RBM33: variants seen among roughly 807,000 people sequenced by gnomAD.
RBM33 encodes RNA-binding protein 33.
Under a neutral mutation model 132.6 loss-of-function variants are expected in RBM33, and 28 were observed. The observed-to-expected ratio is 0.21, with a 90% CI of 0.16 to 0.29. The LOEUF is 0.29. RBM33 is among the 10% of genes least tolerant of loss of function. The pLI is 1.00. For missense variants in RBM33, 1,291 were observed against 1,518.5 expected (o/e 0.85, Z 2.49); for synonymous variants, 634 against 593.0 (o/e 1.07, Z -1.01).
intron 2 of RBM33, among the ~76,000 whole-genome samples, chr7:155,667,440 C>T (rs1335285540): frequency 2.0e-5 from 3 of 152,048 alleles, no homozygotes; most frequent in African/African-American, 2.4e-5. Flanking sequence ...AGTGGTTATT[C>T]AGATTGTTTT....
intron 7 of RBM33, among the ~76,000 whole-genome samples, chr7:155,709,992 C>G (rs1004420563): frequency 1.1e-4 from 16 of 152,204 alleles, no homozygotes; most frequent in Non-Finnish European, 2.1e-4. Context: ...TCACCATTCC[C>G]TATTAGATGG....
At chr7:155,707,621 A>T (rs920562341) in intron 7 of RBM33, among the ~76,000 whole-genome samples, 1 of 152,172 alleles carries the variant, frequency 6.6e-6, no homozygotes, top group Non-Finnish European at 1.5e-5. Context: ...GAGATGGCAC[A>T]TCTCAGAAAC....
chr7:155,739,725 A>C lies in RBM33; in HGVS notation c.1748A>C (p.His583Pro), dbSNP rs1355407704. 1 of 1,546,592 alleles carries C rather than the reference A, an allele frequency of 6.5e-7. No homozygotes were observed. The change falls in exon 12 of 18, where the codon CAT becomes CCT. Residue 583 changes from histidine to proline, a missense_variant. By Grantham distance (77) the His-to-Pro change is moderately conservative. This residue lies in a region of RBM33 where 841 missense variants were observed against 912.0 expected (regional missense o/e 0.92). Transcript: ENST00000401878. ...HTQPNLQGPL[H>P]PPLPPPHQPQ... ...CTTTGGAAATGGAAGGGGCCGTTGCATCCTCCATTGCCCCCTCCGCATCAG... is the reference window on the plus strand; with the variant it reads ...CTTTGGAAATGGAAGGGGCCGTTGCCTCCTCCATTGCCCCCTCCGCATCAG...
rs2116908605 is a variant in RBM33 at position 155,673,693 on chromosome 7, C to CGTATATACACACACGTGTAT, written c.171+778_171+779insGTATATACACACACGTGTAT. On this transcript the variant is annotated intron_variant, in intron 3 of 17. Transcript: ENST00000401878. ...ATACACACGTGTATATATATACACACATATATACATACACACGTGTATATA... is the reference window on the plus strand; with the variant it reads ...ATACACACGTGTATATATATACACACGTATATACACACACGTGTATATATATACATACACACGTGTATATA... Among the ~76,000 whole-genome samples the CGTATATACACACACGTGTAT allele has an allele frequency of 1.5e-5, 2 of 130,946 alleles. 1 individual carries two copies. Among genetic ancestry groups the CGTATATACACACACGTGTAT allele is most frequent in the African/African-American group, 7.0e-5 (2 of 28,724 alleles). 85.9% of individuals were successfully genotyped at this position (130,946 alleles called of 152,430 possible).
intron 14 of RBM33, among the ~76,000 whole-genome samples, chr7:155,749,714 A>T (rs10226143): frequency 0.29 from 44,747 of 152,090 alleles, 8,006 homozygotes; most frequent in African/African-American, 0.5. Context: ...CGCAGCCTGG[A>T]TGGTAAGTAG....
At chr7:155,685,407 T>C (rs1799449192) in intron 5 of RBM33, among the ~76,000 whole-genome samples, 1 of 152,232 alleles carries the variant, frequency 6.6e-6, no homozygotes, top group African/African-American at 2.4e-5. Flanking sequence ...TTTCTGTAAT[T>C]AGGTGCATTT....
Position 155,759,678 on chromosome 7 carries a change from C to G in RBM33, c.2980-4134C>G, listed in dbSNP as rs1350485811. Among the ~76,000 whole-genome samples the G allele has an allele frequency of 2.0e-5, 3 of 152,186 alleles. No individual in the cohort carries two copies. The East Asian group carries it at 5.8e-4, about 29-fold the overall frequency. ...TCGTGATCCACCCGCCTCGGCCTCC[C>G]AAAGCACAGTTTAAAAATTATCAAA... is the stretch of plus-strand genomic sequence containing the variant. On this transcript the variant is annotated intron_variant, in intron 14 of 17. Transcript: ENST00000401878.
intron 16 of RBM33, among the ~76,000 whole-genome samples, chr7:155,771,364 G>A (rs1712300332): frequency 6.6e-6 from 1 of 152,166 alleles, no homozygotes; most frequent in South Asian, 2.1e-4. Context: ...CTACAATTTT[G>A]TATCTAGAAA....
At chr7:155,668,822 G>A (rs981050815) in intron 2 of RBM33, among the ~76,000 whole-genome samples, 1 of 152,062 alleles carries the variant, frequency 6.6e-6, no homozygotes, top group African/African-American at 2.4e-5. Context: ...ATCCATTGTC[G>A]TTTCGTATCT....
chr7:155,653,946 C>G (rs1217373144), intron 1 of RBM33, among the ~76,000 whole-genome samples: 2 of 152,134 alleles, frequency 1.3e-5, no homozygotes, highest in Non-Finnish European at 2.9e-5. Flanking sequence ...CCTGTGGGGC[C>G]TGCCCGAACT....
At chr7:155,740,874 A>G (rs1365242156) in intron 12 of RBM33, among the ~76,000 whole-genome samples, 7 of 152,044 alleles carry the variant, frequency 4.6e-5, no homozygotes, top group Admixed American at 4.6e-4. Context: ...TCCATTAAAT[A>G]TATATGAGAC....
chr7:155,646,300 A>T (rs1216123814), intron 1 of RBM33, among the ~76,000 whole-genome samples: 1 of 152,234 alleles, frequency 6.6e-6, no homozygotes, highest in Non-Finnish European at 1.5e-5. Flanking sequence ...TAAAATAGTA[A>T]TATCACTGAA....
chr7:155,678,832 T>C (rs1585427959), intron 4 of RBM33, 148 bp downstream of exon 4: 2 of 565,202 alleles, frequency 3.5e-6, no homozygotes, highest in Non-Finnish European at 6.3e-6. Context: ...TAGTAATAAC[T>C]GTAGAAGCCA....
intron 14 of RBM33, among the ~76,000 whole-genome samples, chr7:155,748,847 A>G (rs1031501951): frequency 1.3e-5 from 2 of 151,860 alleles, no homozygotes; most frequent in Non-Finnish European, 2.9e-5. Context: ...GATTCCTGGT[A>G]TTGTTTCTTA....
At chr7:155,669,927 C>T (rs908818119) in intron 2 of RBM33, among the ~76,000 whole-genome samples, 2 of 152,128 alleles carry the variant, frequency 1.3e-5, no homozygotes, top group East Asian at 1.9e-4. Context: ...AGGTTAGGAC[C>T]GGCTGTGCCA....
rs35396377 is a variant in RBM33 at position 155,742,229 on chromosome 7, C to CTTTT, written c.2337+133_2337+136dup. ...ATCTTCCCACTTTTTTCACCTGGGT[C>CTTTT]TTTTTTTTTTTTTAACCTAACAGCC... On this transcript the variant is annotated intron_variant, in intron 13 of 17. Transcript: ENST00000401878. 1,314 of 693,446 alleles carry CTTTT rather than the reference C, an allele frequency of 1.9e-3. 12 individuals are homozygous for CTTTT. The African/African-American group carries it at 0.023, about 12-fold the overall frequency. The allele number at this position is 693,446 out of a possible 1,614,324, so 43.0% of individuals were successfully genotyped here.
intron 3 of RBM33, among the ~76,000 whole-genome samples, chr7:155,675,085 C>T (rs982055418): frequency 2.6e-5 from 4 of 151,922 alleles, no homozygotes; most frequent in Non-Finnish European, 4.4e-5. Context: ...GGCAGGTGGA[C>T]CACTTGAGGT....
Position 155,673,646 on chromosome 7 carries a change from GTGTATATATACACA to G in RBM33, c.171+732_171+745del, listed in dbSNP as rs1799040261. 2.9e-4 allele frequency among the ~76,000 whole-genome samples: 7 copies of G among 24,020 alleles called. 2 individuals carry two copies. Among genetic ancestry groups the G allele is most frequent in the African/African-American group, 8.9e-4 (7 of 7,898 alleles). 15.8% of individuals were successfully genotyped at this position (24,020 alleles called of 152,430 possible). A position where few individuals can be genotyped will look rare whatever the true frequency, so the allele number is the denominator to read the frequency against. The stretch of plus-strand genomic sequence containing the variant: ...TATATACACACATATACATACACAC[GTGTATATATACACA>G]CATATACATACACACGTGTATATAT... On this transcript the variant is annotated intron_variant, in intron 3 of 17. Transcript: ENST00000401878.
chr7:155,714,982 G>A (rs1330586266), intron 8 of RBM33, among the ~76,000 whole-genome samples: 3 of 152,172 alleles, frequency 2.0e-5, no homozygotes, highest in Admixed American at 1.3e-4. Flanking sequence ...CACTGGGCAT[G>A]GCAGAGAAGC....
Sources: gnomAD v4.1 joint callset for allele counts (sites outside exome capture counted in the v4.1 genomes callset) on GRCh38, gnomAD v4.1.1 for gene constraint, gnomAD v4.1.1 regional missense constraint, MANE v1.5 for transcripts, NCBI Gene and HGNC (gene_info 2026-07-23, HGNC 2026-07-21) for gene names.